The following SMCHD1 variants were observed in gnomAD, a reference collection of about 807,000 sequenced individuals.
SMCHD1 encodes the protein structural maintenance of chromosomes flexible hinge domain-containing protein 1.
SMCHD1 carries 78 observed loss-of-function variants against 254.7 expected under a neutral mutation model. The ratio of observed to expected loss-of-function variants is 0.31; its 90% confidence interval spans 0.26 to 0.37. The LOEUF (loss-of-function observed/expected upper bound fraction) is 0.37. Among genes scored for constraint, SMCHD1 ranks in the 10% least tolerant of loss-of-function variants. The pLI, the probability that SMCHD1 is intolerant of heterozygous loss-of-function variation, is 1.00. For synonymous variants in SMCHD1, 766 were observed against 794.9 expected (o/e 0.96, Z 0.61); for missense variants, 1,840 against 2,408.1 (o/e 0.76, Z 4.94).
chr18:2,763,768 G>T lies in SMCHD1; in HGVS notation c.4698G>T (p.Val1566=), dbSNP rs1409928249. 1.9e-6 allele frequency: 3 copies of T among 1,608,174 alleles called. No individual in the cohort carries two copies. The highest frequency in any genetic ancestry group is 1.7e-6 in the Non-Finnish European group (2 of 1,177,850). The change falls in exon 37 of 48, where the codon GTG becomes GTT. Residue 1566 remains valine (V), a synonymous_variant. Coordinates refer to ENST00000320876, the MANE Select transcript of SMCHD1 (RefSeq NM_015295.3). ...TTAGAACACTTGAATTCCCCTTCGT[G>T]AATGGTTCGGCTGAAATCATGGTAA... is the stretch of plus-strand genomic sequence containing the variant. ...GKVRTLEFPF[V]NGSAEIMSLV...
intron 14 of SMCHD1, 105 bp from the exon 15 acceptor site, chr18:2,706,259 T>C: frequency 1.4e-6 from 1 of 712,846 alleles, no homozygotes; most frequent in Non-Finnish European, 2.2e-6. Context: ...ATGTACTTAA[T>C]TAGGATAAAA....
chr18:2,718,544 T>C lies in SMCHD1; in HGVS notation c.2458+110T>C. The C allele has an allele frequency of 1.1e-6, 1 of 922,598 alleles. No individual in the cohort carries two copies. The highest frequency in any genetic ancestry group is 1.6e-6 in the Non-Finnish European group (1 of 643,244). 57.2% of individuals were successfully genotyped at this position (922,598 alleles called of 1,614,324 possible). On this transcript the variant is annotated intron_variant, in intron 19 of 47. Coordinates refer to ENST00000320876, the MANE Select transcript of SMCHD1 (RefSeq NM_015295.3). The surrounding 1 kb of genome is among the most constrained non-coding windows in gnomAD (Gnocchi z 4.6). The stretch of plus-strand genomic sequence containing the variant: ...ATGTTTGAACAATTGGGTAACCATC[T>C]CGATTTTATTTTATTTTCTTACTTA...
chr18:2,748,382 G>T (rs866480220), intron 30 of SMCHD1, among the ~76,000 whole-genome samples: 2 of 32,258 alleles, frequency 6.2e-5, no homozygotes, highest in East Asian at 1.8e-3. Flanking sequence ...GTGTGTGTGT[G>T]TATATAAATT....
At chr18:2,800,061 T>C (rs933454662) in intron 47 of SMCHD1, among the ~76,000 whole-genome samples, 2 of 152,062 alleles carry the variant, frequency 1.3e-5, no homozygotes, top group Non-Finnish European at 2.9e-5. Flanking sequence ...TAGAATATAC[T>C]AGAGGTGAAG....
At chr18:2,740,175 C>T (rs1254548543) in intron 27 of SMCHD1, among the ~76,000 whole-genome samples, 1 of 152,010 alleles carries the variant, frequency 6.6e-6, no homozygotes, top group East Asian at 1.9e-4. Flanking sequence ...AGAGTGAGAA[C>T]ATGTGGTGTT....
At chr18:2,796,275 C>T (rs1244883497) in intron 46 of SMCHD1, 132 bp from the exon 47 acceptor site, 1 of 847,082 alleles carries the variant, frequency 1.2e-6, no homozygotes, top group Non-Finnish European at 1.8e-6. Flanking sequence ...ATTCTTTCAC[C>T]AGAAGTAATA....
At chr18:2,747,668 C>T (rs745904160) in intron 30 of SMCHD1, 21 bp downstream of exon 30, 2 of 1,503,498 alleles carry the variant, frequency 1.3e-6, no homozygotes, top group Admixed American at 2.2e-5. Flanking sequence ...AACTTCCTTA[C>T]ATCTTCATTT....
chr18:2,727,096 TAGG>T (rs2075041482), intron 22 of SMCHD1: 1 of 152,450 alleles, frequency 6.6e-6, no homozygotes, highest in African/African-American at 2.4e-5. Context: ...TTGGGGTTGT[TAGG>T]AGGATTAAAT....
At chr18:2,726,358 A>C in intron 21 of SMCHD1, 94 bp from the exon 22 acceptor site, 1 of 648,338 alleles carries the variant, frequency 1.5e-6, no homozygotes, top group Non-Finnish European at 2.5e-6. Context: ...AATGGTATGA[A>C]AATAAAACCA....
intron 30 of SMCHD1, among the ~76,000 whole-genome samples, chr18:2,749,837 ATGAG>A (rs1216079463): frequency 6.6e-6 from 1 of 152,208 alleles, no homozygotes; most frequent in Non-Finnish European, 1.5e-5. Context: ...ATTGATCAAG[ATGAG>A]TGATTGTTAT....
intron 5 of SMCHD1, among the ~76,000 whole-genome samples, chr18:2,686,905 T>G (rs1270528227): frequency 2.0e-5 from 3 of 152,144 alleles, no homozygotes; most frequent in African/African-American, 7.2e-5. Context: ...ATCCCATTCT[T>G]TCTGTTTCTG....
chr18:2,744,070 A>G (rs1399384236), intron 29 of SMCHD1, 142 bp downstream of exon 29: 2 of 625,264 alleles, frequency 3.2e-6, no homozygotes, highest in Admixed American at 3.2e-5. Context: ...CAAAAAAGCA[A>G]GGTAATGTGA....
chr18:2,738,638 A>G, intron 26 of SMCHD1, 93 bp downstream of exon 26: 2 of 1,088,192 alleles, frequency 1.8e-6, no homozygotes, highest in South Asian at 2.0e-5. Context: ...TAAAAATATT[A>G]CGGTTTCTAT....
At chr18:2,739,102 G>T (rs770285927) in intron 26 of SMCHD1, among the ~76,000 whole-genome samples, 4 of 152,162 alleles carry the variant, frequency 2.6e-5, no homozygotes, top group Non-Finnish European at 5.9e-5. Context: ...ATTTTCAAAT[G>T]TACTGCATTC....
intron 5 of SMCHD1, among the ~76,000 whole-genome samples, chr18:2,677,777 T>A (rs1333749683): frequency 6.6e-6 from 1 of 152,150 alleles, no homozygotes; most frequent in Non-Finnish European, 1.5e-5. Context: ...CAGGTGCATG[T>A]CACCACACCT....
intron 10 of SMCHD1, 45 bp from the exon 11 acceptor site, chr18:2,700,494 C>T (rs745707581): frequency 2.6e-6 from 4 of 1,547,246 alleles, no homozygotes; most frequent in South Asian, 2.4e-5. Context: ...TTATTTCTCA[C>T]ATTTTAGCAA....
At chr18:2,751,664 C>T (rs997641572) in intron 33 of SMCHD1, among the ~76,000 whole-genome samples, 1 of 151,828 alleles carries the variant, frequency 6.6e-6, no homozygotes. Flanking sequence ...GACAGTAGCA[C>T]AAGGCAGAAG....
Position 2,732,283 on chromosome 18 carries a change from C to T in SMCHD1, c.3067C>T (p.Pro1023Ser), listed in dbSNP as rs190723918. Residue 1023 changes from proline (P) to serine (S), a missense_variant, in exon 25 of 48, where the codon CCT (proline) becomes TCT (serine). Coordinates refer to ENST00000320876, the MANE Select transcript of SMCHD1 (RefSeq NM_015295.3). Reference sequence around the variant, plus strand: ...TTTCTAGAGTTGTAAAGATGTGGCACCTGTGGAGAAGACTATTAAGTTGCT... The same window carrying T: ...TTTCTAGAGTTGTAAAGATGTGGCATCTGTGGAGAAGACTATTAAGTTGCT... ...IEIPSCKDVA[P>S]VEKTIKLLPS... 5.6e-5 allele frequency: 91 copies of T among 1,613,350 alleles called. No individual in the cohort carries two copies. Among genetic ancestry groups the T allele is most frequent in the Non-Finnish European group, 7.0e-5 (83 of 1,179,534 alleles).
intron 45 of SMCHD1, among the ~76,000 whole-genome samples, chr18:2,795,039 G>GTT (rs201312816): frequency 6.7e-6 from 1 of 148,472 alleles, no homozygotes; most frequent in Admixed American, 6.7e-5. Context: ...AAAATTCTGG[G>GTT]TTTTTTTTTT....
Sources: allele counts gnomAD v4.1 joint callset (sites outside exome capture counted in the v4.1 genomes callset), GRCh38; gene constraint gnomAD v4.1.1; non-coding constraint Gnocchi (gnomAD v3.1); transcripts MANE v1.5; gene names NCBI Gene and HGNC (gene_info 2026-07-23, HGNC 2026-07-21).